LASP1: variants seen among roughly 807,000 people sequenced by gnomAD.
LASP1 encodes the protein LIM and SH3 domain protein 1.
In LASP1, 10 loss-of-function variants were observed where a neutral mutation model predicts 38.6. The ratio of observed to expected loss-of-function variants is 0.26; its 90% CI spans 0.16 to 0.44. The LOEUF (loss-of-function observed/expected upper bound fraction) is 0.44, where lower values mean the gene tolerates loss of function less well. Ranked by LOEUF, LASP1 falls within the 20% of genes least tolerant of loss-of-function variation. The pLI, the probability that LASP1 is intolerant of heterozygous loss-of-function variation, is 1.00. For synonymous variants in LASP1, 132 were observed against 140.8 expected, an observed-to-expected ratio of 0.94 and a Z score of 0.44; for missense variants, 243 against 375.7, an observed-to-expected ratio of 0.65 and a Z score of 2.92.
intron 4 of LASP1, chr17:38,899,000 G>T (rs376955184): frequency 2.9e-4 from 103 of 349,748 alleles, no homozygotes; most frequent in African/African-American, 2.0e-3. Flanking sequence ...AGCTTCACCC[G>T]CCAGCCCTGC....
chr17:38,917,890 G>C (rs981369820), intron 6 of LASP1, among the ~76,000 whole-genome samples: 11 of 152,088 alleles, frequency 7.2e-5, no homozygotes, highest in South Asian at 2.1e-4. Context: ...GCTCACGCTA[G>C]TACTTTGGGA....
At chr17:38,880,628 C>T (rs549261971) in intron 2 of LASP1, among the ~76,000 whole-genome samples, 8 of 152,320 alleles carry the variant, frequency 5.3e-5, no homozygotes, top group Admixed American at 4.6e-4. Context: ...GGCTTTGTGA[C>T]CCAGCTGTGT....
chr17:38,893,319 C>G (rs1914395763), intron 3 of LASP1, among the ~76,000 whole-genome samples: 1 of 152,236 alleles, frequency 6.6e-6, no homozygotes, highest in African/African-American at 2.4e-5. Flanking sequence ...CTAGGCCCCA[C>G]CCAAGGGACT....
intron 4 of LASP1, among the ~76,000 whole-genome samples, chr17:38,902,450 G>A (rs1265217947): frequency 4.5e-5 from 6 of 132,074 alleles, no homozygotes; most frequent in South Asian, 2.7e-4. Flanking sequence ...TAAGTGATCC[G>A]CCCACCTCGG....
Position 38,914,351 on chromosome 17 carries a change from G to A in LASP1, c.384G>A (p.Lys128=). The part of the protein sequence containing the change: ...SNIKYHEEFE[K]SRMGPSGGEG... The stretch of plus-strand genomic sequence containing the variant: ...TAAAATACCATGAGGAGTTTGAGAA[G>A]AGCCGCATGGGCCCTAGCGGGGGCG... The change falls in exon 5 of 7, where the codon AAG becomes AAA. Residue 128 remains lysine, a synonymous_variant. Coordinates refer to ENST00000318008, the MANE Select transcript of LASP1 (RefSeq NM_006148.4). 1 of 1,611,458 alleles carries A rather than the reference G, an allele frequency of 6.2e-7. No homozygotes were observed. Among genetic ancestry groups the A allele is most frequent in the Non-Finnish European group, 8.5e-7 (1 of 1,179,572 alleles).
chr17:38,913,097 C>A (rs1359739712), intron 4 of LASP1, among the ~76,000 whole-genome samples: 1 of 152,162 alleles, frequency 6.6e-6, no homozygotes, highest in Non-Finnish European at 1.5e-5. Context: ...ATGCAGCCAG[C>A]CCCAGGCAGG....
At chr17:38,915,632 G>C (rs956588518) in intron 6 of LASP1, 1 of 152,718 alleles carries the variant, frequency 6.5e-6, no homozygotes, top group African/African-American at 2.4e-5. Context: ...AGAGCTCTTC[G>C]TGTTGGTCAC....
intron 4 of LASP1, among the ~76,000 whole-genome samples, chr17:38,905,682 C>T (rs1032816426): frequency 2.6e-5 from 4 of 151,982 alleles, no homozygotes; most frequent in Admixed American, 2.0e-4. Flanking sequence ...GCATTTTGAT[C>T]GTGTAGAGTG....
chr17:38,874,417 G>A (rs148749913), intron 1 of LASP1, among the ~76,000 whole-genome samples: 1 of 152,056 alleles, frequency 6.6e-6, no homozygotes, highest in South Asian at 2.1e-4. Context: ...GTCCAGGCTT[G>A]GCTCACAGCG....
At chr17:38,896,088 A>AGGGGCAGGCACTCCTGCC (rs1914481609) in intron 3 of LASP1, among the ~76,000 whole-genome samples, 1 of 151,388 alleles carries the variant, frequency 6.6e-6, no homozygotes, top group African/African-American at 2.4e-5. Flanking sequence ...CCTAGACAAC[A>AGGGGCAGGCACTCCTGCC]GGGGCAAGCA....
chr17:38,901,312 G>C (rs969366050), intron 4 of LASP1, among the ~76,000 whole-genome samples: 4 of 152,198 alleles, frequency 2.6e-5, no homozygotes, highest in Non-Finnish European at 5.9e-5. Flanking sequence ...CAAGCCATCC[G>C]CATCTCAGGA....
intron 4 of LASP1, chr17:38,898,946 C>T (rs561333829): frequency 2.6e-4 from 92 of 360,096 alleles, no homozygotes; most frequent in African/African-American, 1.9e-3. Flanking sequence ...TGGCCTCCTC[C>T]CCCACATCAG....
In LASP1 at chr17:38,921,728, T is replaced by C; in HGVS notation, c.*2950T>C. On this transcript the variant is annotated 3_prime_UTR_variant, in exon 7 of 7. Transcript: ENST00000318008. Reference sequence around the variant, plus strand: ...TTTGACTTGAACCACAAGTGAATCTTTCTCCTGGTGACTCAAATAAAAGTA... The same window carrying C: ...TTTGACTTGAACCACAAGTGAATCTCTCTCCTGGTGACTCAAATAAAAGTA... 4.4e-6 allele frequency: 1 copy of C among 227,542 alleles called. No homozygotes were observed. The highest frequency in any genetic ancestry group is 6.3e-5 in the East Asian group (1 of 15,858). 14.1% of individuals were successfully genotyped at this position (227,542 alleles called of 1,614,324 possible). A position where few individuals can be genotyped will look rare whatever the true frequency, so the allele number is the denominator to read the frequency against.
At chr17:38,915,303 G>A (rs920787021) in intron 6 of LASP1, 157 bp downstream of exon 6, 12 of 621,730 alleles carry the variant, frequency 1.9e-5, no homozygotes, top group Admixed American at 5.9e-5. Context: ...ATTGGTTGGC[G>A]TAGTGGGCAG....
intron 2 of LASP1, among the ~76,000 whole-genome samples, chr17:38,884,298 A>G (rs1391295642): frequency 6.6e-6 from 1 of 150,918 alleles, no homozygotes; most frequent in Non-Finnish European, 1.5e-5. Context: ...TAGTCCCACC[A>G]AGCAGGAAGG....
chr17:38,897,021 A>G, intron 3 of LASP1: 12 of 985,404 alleles, frequency 1.2e-5, no homozygotes, highest in Non-Finnish European at 1.4e-5. Flanking sequence ...TCCCACTAAG[A>G]GTCACCGTGC....
intron 4 of LASP1, among the ~76,000 whole-genome samples, chr17:38,905,482 G>A (rs1238017152): frequency 7.0e-6 from 1 of 142,278 alleles, no homozygotes; most frequent in Non-Finnish European, 1.5e-5. Flanking sequence ...AGTGAGTTGA[G>A]ATCGCACCAC....
At chr17:38,878,060 G>GTA (rs1567695197) in intron 1 of LASP1, 26 bp from the exon 2 acceptor site, 1 of 1,566,136 alleles carries the variant, frequency 6.4e-7, no homozygotes, top group Admixed American at 1.7e-5. Flanking sequence ...GGTATCTGAT[G>GTA]TATGTCCTCC....
intron 2 of LASP1, among the ~76,000 whole-genome samples, chr17:38,889,644 A>G (rs1914248118): frequency 6.6e-6 from 1 of 152,206 alleles, no homozygotes; most frequent in Non-Finnish European, 1.5e-5. Context: ...CCTTCAGGCC[A>G]TGTGTATGAG....
Sources: gnomAD v4.1 joint callset for allele counts (sites outside exome capture counted in the v4.1 genomes callset) on GRCh38, gnomAD v4.1.1 for gene constraint, MANE v1.5 for transcripts, NCBI Gene and HGNC (gene_info 2026-07-23, HGNC 2026-07-21) for gene names.